The following ARFGEF1 variants were observed in gnomAD, a reference collection of about 807,000 sequenced individuals.
ARFGEF1 encodes ARF guanine nucleotide exchange factor 1.
Under a neutral mutation model 231.0 loss-of-function variants are expected in ARFGEF1, and 42 were observed. That is an observed-to-expected ratio of 0.18 (90% CI 0.14 to 0.24). The LOEUF (loss-of-function observed/expected upper bound fraction) is 0.24, where lower values mean the gene tolerates loss of function less well. Among genes scored for constraint, ARFGEF1 ranks in the 10% least tolerant of loss-of-function variants. ARFGEF1 has a pLI of 1.00. For synonymous variants in ARFGEF1, 710 were observed against 732.3 expected, an observed-to-expected ratio of 0.97 and a Z score of 0.49; for missense variants, 1,345 against 2,192.0, an observed-to-expected ratio of 0.61 and a Z score of 7.72.
In ARFGEF1 at chr8:67,271,735, T is replaced by C. The variant is rs1487477886; in HGVS notation, c.1539A>G (p.Ser513=). 1 of 1,613,308 alleles carries C rather than the reference T, an allele frequency of 6.2e-7. No individual in the cohort carries two copies. Among genetic ancestry groups the C allele is most frequent in the South Asian group, 1.1e-5 (1 of 90,904 alleles). Reference sequence around the variant, plus strand: ...GCATCTTCAGATGTGTCTTGAAATTTGACAACAAAGTAAGAAATATAGAAA... The same window carrying C: ...GCATCTTCAGATGTGTCTTGAAATTCGACAACAAAGTAAGAAATATAGAAA... ...LSLSIFLTLL[S]NFKTHLKMQI... The change falls in exon 10 of 39, where the codon TCA becomes TCG. Residue 513 remains serine, a synonymous_variant. Coordinates refer to ENST00000262215, the MANE Select transcript of ARFGEF1 (RefSeq NM_006421.5).
rs1405171693 is a variant in ARFGEF1, at chr8:67,238,334, A to G, written c.3289+9T>C. 6.3e-7 allele frequency: 1 copy of G among 1,579,518 alleles called. No homozygotes were observed. The highest frequency in any genetic ancestry group is 8.6e-7 in the Non-Finnish European group (1 of 1,168,944). On this transcript the variant is annotated intron_variant, in intron 22 of 38. Coordinates refer to ENST00000262215, the MANE Select transcript of ARFGEF1 (RefSeq NM_006421.5). ...AAAACAATTTTTGATACTTTGTAAA[A>G]ATTCTCACCTAGCCCTAAACCCACA... is the stretch of plus-strand genomic sequence containing the variant.
chr8:67,241,850 C>A (rs1035716842), intron 19 of ARFGEF1, among the ~76,000 whole-genome samples: 6 of 152,126 alleles, frequency 3.9e-5, no homozygotes, highest in African/African-American at 1.4e-4. Context: ...CGCCATCCCT[C>A]CCCCGTCTCC....
intron 1 of ARFGEF1, among the ~76,000 whole-genome samples, chr8:67,305,355 A>C (rs1450754086): frequency 6.6e-6 from 1 of 152,218 alleles, no homozygotes; most frequent in Non-Finnish European, 1.5e-5. Context: ...TTCTAAGGTC[A>C]GATAACTGAT....
At chr8:67,201,989 G>T (rs1209428972) in intron 36 of ARFGEF1, 1 of 202,440 alleles carries the variant, frequency 4.9e-6, no homozygotes, top group African/African-American at 2.4e-5. Context: ...ACACAAGGAG[G>T]CTCTATCAGC....
In ARFGEF1 at chr8:67,217,032, C is replaced by T. The variant is rs371266645; in HGVS notation, c.4614-370G>A. Among the ~76,000 whole-genome samples, 49 of 150,758 alleles carry T rather than the reference C, an allele frequency of 3.3e-4. 1 individual carries two copies. Among genetic ancestry groups the T allele is most frequent in the Non-Finnish European group, 4.7e-4 (32 of 67,774 alleles). On this transcript the variant is annotated intron_variant, in intron 32 of 38. Coordinates refer to ENST00000262215, the MANE Select transcript of ARFGEF1 (RefSeq NM_006421.5). ...AAAAAATCATAAAATTGGCCAGGCGCGGTGGCTCACGCCTGTAATCCCAGC... is the reference window on the plus strand; with the variant it reads ...AAAAAATCATAAAATTGGCCAGGCGTGGTGGCTCACGCCTGTAATCCCAGC...
intron 7 of ARFGEF1, among the ~76,000 whole-genome samples, chr8:67,281,796 T>G (rs570675333): frequency 6.6e-6 from 1 of 151,936 alleles, no homozygotes; most frequent in Middle Eastern, 3.2e-3. Flanking sequence ...AATTAGGGAA[T>G]AGAGAAGAAA....
chr8:67,277,449 C>T lies in ARFGEF1; in HGVS notation c.1036G>A (p.Glu346Lys), dbSNP rs1371346419. The T allele has an allele frequency of 3.7e-6, 6 of 1,611,720 alleles. No individual in the cohort carries two copies. In the African/African-American group the frequency reaches 6.7e-5, roughly 18 times the overall value. The change falls in exon 8 of 39, where the codon GAA becomes AAA. Residue 346 changes from glutamate to lysine, a missense_variant. Transcript: ENST00000262215. ...GCACTTGCATTTATAGTAGTCCCTT[C>T]TCCCATATCTAAAATGATAAGAATA... ...MVNIVVGDMG[E>K]GTTINASADG... is the part of the protein sequence containing the mutation.
At chr8:67,312,973 G>A (rs922628028) in intron 1 of ARFGEF1, among the ~76,000 whole-genome samples, 1 of 152,026 alleles carries the variant, frequency 6.6e-6, no homozygotes, top group African/African-American at 2.4e-5. Context: ...TTTTTCAAGA[G>A]GTCCACATAA....
chr8:67,240,837 C>T (rs1047448323), intron 19 of ARFGEF1, among the ~76,000 whole-genome samples: 1 of 152,092 alleles, frequency 6.6e-6, no homozygotes, highest in Admixed American at 6.5e-5. Flanking sequence ...TAAAATACTT[C>T]CTCATTATAC....
intron 1 of ARFGEF1, among the ~76,000 whole-genome samples, chr8:67,328,922 T>A (rs1327820863): frequency 6.6e-6 from 1 of 152,128 alleles, no homozygotes; most frequent in Non-Finnish European, 1.5e-5. Context: ...ACTGTGGTAA[T>A]TTTTTAAAAT....
chr8:67,299,671 C>T (rs1587257564), intron 3 of ARFGEF1, among the ~76,000 whole-genome samples: 1 of 152,152 alleles, frequency 6.6e-6, no homozygotes, highest in African/African-American at 2.4e-5. Context: ...CTGTGCTGGG[C>T]GCAGTGGCTC....
intron 5 of ARFGEF1, among the ~76,000 whole-genome samples, chr8:67,176,941 T>C (rs566622329): frequency 6.6e-6 from 1 of 151,790 alleles, no homozygotes; most frequent in South Asian, 2.1e-4. Context: ...CATGGAGGCG[T>C]GTGCCTGTAG....
intron 19 of ARFGEF1, among the ~76,000 whole-genome samples, chr8:67,249,955 G>T (rs565838376): frequency 6.6e-6 from 1 of 152,292 alleles, no homozygotes; most frequent in African/African-American, 2.4e-5. Flanking sequence ...AACTACTCAG[G>T]CAAAGAAGGA....
chr8:67,324,494 C>T (rs566520699), intron 1 of ARFGEF1, among the ~76,000 whole-genome samples: 5 of 152,262 alleles, frequency 3.3e-5, no homozygotes, highest in African/African-American at 7.2e-5. Flanking sequence ...TAGTGATCTT[C>T]CAAGCCTGAA....
intron 1 of ARFGEF1, among the ~76,000 whole-genome samples, chr8:67,308,328 G>A (rs1354929945): frequency 1.3e-5 from 2 of 152,310 alleles, no homozygotes; most frequent in African/African-American, 4.8e-5. Context: ...AAGTTAAAGA[G>A]GCTTAGAGAG....
At chr8:67,238,992 T>G (rs777861632) in intron 20 of ARFGEF1, 99 bp from the exon 21 acceptor site, 73 of 393,794 alleles carry the variant, frequency 1.9e-4, no homozygotes, top group Admixed American at 2.4e-4. Context: ...TAAGATTTTG[T>G]TTTTTTTTTT....
At chr8:67,228,780 G>C (rs995261107) in intron 23 of ARFGEF1, among the ~76,000 whole-genome samples, 2 of 152,014 alleles carry the variant, frequency 1.3e-5, no homozygotes, top group African/African-American at 4.8e-5. Context: ...ACTTTCCTTA[G>C]GGCATTCAAA....
At chr8:67,303,394 A>C (rs1217892003) in intron 1 of ARFGEF1, among the ~76,000 whole-genome samples, 1 of 152,140 alleles carries the variant, frequency 6.6e-6, no homozygotes, top group Non-Finnish European at 1.5e-5. Flanking sequence ...AATTAGACAA[A>C]TCCTACCCGT....
At chr8:67,302,844 G>A (rs1368715528) in intron 1 of ARFGEF1, among the ~76,000 whole-genome samples, 3 of 147,014 alleles carry the variant, frequency 2.0e-5, no homozygotes, top group African/African-American at 7.6e-5. Context: ...GGAGGCCAAC[G>A]CAGGAGGATC....
Sources: allele counts gnomAD v4.1 joint callset (sites outside exome capture counted in the v4.1 genomes callset), GRCh38; gene constraint gnomAD v4.1.1; transcripts MANE v1.5; gene names NCBI Gene and HGNC (gene_info 2026-07-23, HGNC 2026-07-21).